Variants in CLASP1 observed in about 807,000 individuals in gnomAD.
CLASP1 encodes CLIP-associating protein 1.
In CLASP1, 38 loss-of-function variants were observed where a neutral mutation model predicts 192.3. The observed-to-expected ratio is 0.20, with a 90% confidence interval of 0.15 to 0.26. CLASP1 has a LOEUF of 0.26. Ranked by LOEUF, CLASP1 falls within the 10% of genes least tolerant of loss-of-function variation. The pLI, the probability that CLASP1 is intolerant of heterozygous loss-of-function variation, is 1.00. For missense variants in CLASP1, 1,433 were observed against 1,932.5 expected, an observed-to-expected ratio of 0.74 and a Z score of 4.85; for synonymous variants, 691 against 712.8, an observed-to-expected ratio of 0.97 and a Z score of 0.49.
intron 20 of CLASP1, 68 bp downstream of exon 20, chr2:121,430,005 A>C (rs2081116357): frequency 4.2e-6 from 5 of 1,201,642 alleles, no homozygotes; most frequent in Non-Finnish European, 4.8e-6. Flanking sequence ...AGATTGTAAA[A>C]TGTTCAACTG....
intron 2 of CLASP1, among the ~76,000 whole-genome samples, chr2:121,600,032 A>T (rs1359522546): frequency 6.6e-6 from 1 of 152,218 alleles, no homozygotes; most frequent in East Asian, 1.9e-4. Context: ...AATTCCAAAT[A>T]AAGCCAAACT....
intron 2 of CLASP1, among the ~76,000 whole-genome samples, chr2:121,591,800 T>G (rs1215614387): frequency 2.0e-5 from 3 of 152,178 alleles, no homozygotes; most frequent in Non-Finnish European, 2.9e-5. Flanking sequence ...TTCCTACCAG[T>G]CATCAAAGAA....
intron 1 of CLASP1, among the ~76,000 whole-genome samples, chr2:121,615,267 A>G (rs889339365): frequency 1.3e-5 from 2 of 152,168 alleles, no homozygotes; most frequent in African/African-American, 2.4e-5. Flanking sequence ...TGGACCCGGG[A>G]GGTGGAGGTT....
exon 34 of CLASP1, chr2:121,377,586 A>G (rs767421642): frequency 3.6e-5 from 58 of 1,595,946 alleles, no homozygotes; most frequent in Middle Eastern, 1.7e-4. Context: ...TGGCTTCTGT[A>G]ACTCCACGTA....
intron 34 of CLASP1, among the ~76,000 whole-genome samples, chr2:121,370,308 C>T (rs528304698): frequency 1.3e-5 from 2 of 152,236 alleles, no homozygotes; most frequent in South Asian, 4.2e-4. Context: ...AATTGTGAAG[C>T]TCCTCCATTC....
intron 6 of CLASP1, among the ~76,000 whole-genome samples, chr2:121,525,602 C>G (rs1239576316): frequency 6.6e-6 from 1 of 152,092 alleles, no homozygotes; most frequent in Non-Finnish European, 1.5e-5. Flanking sequence ...GATTTCTCAG[C>G]CCTGTGTATA....
At chr2:121,548,531 G>A (rs2057698062) in intron 2 of CLASP1, among the ~76,000 whole-genome samples, 1 of 152,234 alleles carries the variant, frequency 6.6e-6, no homozygotes, top group Non-Finnish European at 1.5e-5. Flanking sequence ...TGCTAGAGAA[G>A]CCAAAAGTCA....
At chr2:121,578,323 G>A (rs2060750163) in intron 2 of CLASP1, among the ~76,000 whole-genome samples, 1 of 150,062 alleles carries the variant, frequency 6.7e-6, no homozygotes, top group African/African-American at 2.4e-5. Context: ...TCAGGAAGCT[G>A]AGGTGAGAGG....
chr2:121,387,090 T>C, intron 32 of CLASP1, 32 bp downstream of exon 33: 1 of 1,558,394 alleles, frequency 6.4e-7, no homozygotes. Context: ...TTAGTTTCTT[T>C]ACATCTGTGG....
At chr2:121,643,281 A>C (rs1045649994) in intron 1 of CLASP1, among the ~76,000 whole-genome samples, 1 of 152,224 alleles carries the variant, frequency 6.6e-6, no homozygotes, top group African/African-American at 2.4e-5. Flanking sequence ...CACTAAAGGA[A>C]AGGAGGAAAT....
At chr2:121,613,098 A>G (rs1357435124) in intron 1 of CLASP1, among the ~76,000 whole-genome samples, 1 of 152,220 alleles carries the variant, frequency 6.6e-6, no homozygotes, top group Admixed American at 6.5e-5. Flanking sequence ...CTTTAGCAAG[A>G]TCTACTATGA....
intron 8 of CLASP1, among the ~76,000 whole-genome samples, chr2:121,502,230 C>G (rs765913689): frequency 6.6e-6 from 1 of 151,968 alleles, no homozygotes; most frequent in African/African-American, 2.4e-5. Flanking sequence ...CTATCACAAG[C>G]CAGGGACTCT....
At chr2:121,506,841 A>G (rs1324391990) in intron 7 of CLASP1, among the ~76,000 whole-genome samples, 1 of 152,234 alleles carries the variant, frequency 6.6e-6, no homozygotes, top group Non-Finnish European at 1.5e-5. Context: ...CTAACCAACC[A>G]GAGAATTCAG....
chr2:121,612,707 C>A (rs1176305392), intron 1 of CLASP1, among the ~76,000 whole-genome samples: 2 of 152,156 alleles, frequency 1.3e-5, no homozygotes, highest in African/African-American at 2.4e-5. Flanking sequence ...AACCAGTGGT[C>A]ACCTATGCCT....
At chr2:121,449,996 T>C (rs2085118072) in intron 16 of CLASP1, among the ~76,000 whole-genome samples, 1 of 151,890 alleles carries the variant, frequency 6.6e-6, no homozygotes, top group South Asian at 2.1e-4. Context: ...AGAGAGAATG[T>C]CTTAATATCA....
intron 9 of CLASP1, among the ~76,000 whole-genome samples, chr2:121,463,814 A>C (rs1235470447): frequency 6.6e-6 from 1 of 152,074 alleles, no homozygotes; most frequent in African/African-American, 2.4e-5. Context: ...ATGGGAAGGA[A>C]AGCACCAGTC....
At chr2:121,636,250 C>T (rs2070832093) in intron 1 of CLASP1, among the ~76,000 whole-genome samples, 1 of 151,632 alleles carries the variant, frequency 6.6e-6, no homozygotes, top group Admixed American at 6.6e-5. Flanking sequence ...GCAGGAGACT[C>T]GCTTGAACCC....
chr2:121,450,833 G>A lies in CLASP1; in HGVS notation c.1523+80C>T, dbSNP rs1352520441. The A allele has an allele frequency of 3.8e-6, 4 of 1,045,104 alleles. No homozygotes were observed. In the Admixed American group the frequency reaches 8.4e-5, roughly 22 times the overall value. 64.7% of individuals were successfully genotyped at this position (1,045,104 alleles called of 1,614,324 possible). On this transcript the variant is annotated intron_variant, in intron 16 of 39. Coordinates refer to ENST00000263710, the Ensembl canonical transcript of CLASP1. ...TAACAAATATGTTCAAGTAACTTAA[G>A]TTTTTAATAAGGCAATCCTATAATT...
chr2:121,572,146 G>C (rs6728229), intron 2 of CLASP1, among the ~76,000 whole-genome samples: 30,850 of 152,090 alleles, frequency 0.2, 5,843 homozygotes, highest in African/African-American at 0.5. Flanking sequence ...TAAAATAATA[G>C]GGCCAGGCGC....
Sources: allele counts gnomAD v4.1 joint callset (sites outside exome capture counted in the v4.1 genomes callset), GRCh38; gene constraint gnomAD v4.1.1; transcripts MANE v1.5; gene names NCBI Gene and HGNC (gene_info 2026-07-23, HGNC 2026-07-21).